The following EPG5 variants were observed in gnomAD, a reference collection of about 807,000 sequenced individuals.
The protein encoded by EPG5 is ectopic P-granules 5 autophagy tethering factor, also known as ectopic P granules protein 5 homolog.
In EPG5, 159 loss-of-function variants were observed where a neutral mutation model predicts 302.7. The observed-to-expected ratio is 0.53, with a 90% CI of 0.46 to 0.60. The LOEUF (loss-of-function observed/expected upper bound fraction) is 0.60. Ranked by LOEUF, EPG5 falls within the 20% of genes least tolerant of loss-of-function variation. EPG5 has a pLI of 0.00. For missense variants in EPG5, 2,896 were observed against 3,092.4 expected, an observed-to-expected ratio of 0.94 and a Z score of 1.51; for synonymous variants, 1,158 against 1,136.8, an observed-to-expected ratio of 1.02 and a Z score of -0.37.
intron 38 of EPG5, 31 bp downstream of exon 38, chr18:45,866,767 T>C (rs750229571): frequency 6.5e-7 from 1 of 1,547,782 alleles, no homozygotes; most frequent in South Asian, 1.1e-5. Context: ...CCAGGAACAG[T>C]CTCTGCCTTT....
chr18:45,820,233 C>G, the EPG5 span, among the ~76,000 whole-genome samples: 1 of 152,206 alleles, frequency 6.6e-6, no homozygotes, highest in Non-Finnish European at 1.5e-5. Context: ...CTCATGGACT[C>G]TGATAGAGAA....
At chr18:45,813,909 A>G in the EPG5 span, among the ~76,000 whole-genome samples, 1 of 152,312 alleles carries the variant, frequency 6.6e-6, no homozygotes, top group Non-Finnish European at 1.5e-5. Context: ...AACTTAAAGT[A>G]TAATAATTTA....
intron 13 of EPG5, among the ~76,000 whole-genome samples, chr18:45,927,035 C>CT (rs372779886): frequency 0.11 from 14,693 of 137,970 alleles, 1,120 homozygotes; most frequent in East Asian, 0.3. Flanking sequence ...TTTTTCTTTT[C>CT]TTTTTTTTTT....
At position 45,858,557 on chromosome 18, in the gene EPG5, C is replaced by T; in HGVS notation, c.7226+9G>A. The T allele has an allele frequency of 6.2e-7, 1 of 1,610,642 alleles. No individual in the cohort carries two copies. Among genetic ancestry groups the T allele is most frequent in the Non-Finnish European group, 8.5e-7 (1 of 1,176,968 alleles). The stretch of plus-strand genomic sequence containing the variant: ...CAAGTTTGATGTAACAGCCTGAGGG[C>T]CAACGTACCTTGGGTACACCTGTTC... On this transcript the variant is annotated intron_variant, in intron 41 of 43. Coordinates refer to ENST00000282041, the MANE Select transcript of EPG5 (RefSeq NM_020964.3).
chr18:45,862,877 C>T lies in EPG5; in HGVS notation c.6767-2531G>A, dbSNP rs114702384. On this transcript the variant is annotated intron_variant, in intron 39 of 43. Transcript: ENST00000282041. ...GCTGCATCCCACAAATTTTGATGCACTGTATTTTATTATTCAGTTGTAAGT... is the reference window on the plus strand; with the variant it reads ...GCTGCATCCCACAAATTTTGATGCATTGTATTTTATTATTCAGTTGTAAGT... 4.1e-3 allele frequency among the ~76,000 whole-genome samples: 627 copies of T among 152,290 alleles called. 6 individuals carry two copies. Among genetic ancestry groups the T allele is most frequent in the African/African-American group, 0.014 (582 of 41,552 alleles).
Position 45,901,032 on chromosome 18 carries a change from A to G in EPG5, c.4610T>C (p.Val1537Ala). 6.2e-7 allele frequency: 1 copy of G among 1,614,108 alleles called. No homozygotes were observed. Among genetic ancestry groups the G allele is most frequent in the South Asian group, 1.1e-5 (1 of 91,080 alleles). The change falls in exon 26 of 44, where the codon GTG (valine) becomes GCG (alanine). Residue 1537 changes from valine to alanine, a missense_variant. By Grantham distance (64) the Val-to-Ala change is moderately conservative. Around this residue, in one of 5 missense-constraint regions of EPG5, gnomAD observed 790 missense variants for 798.0 expected, o/e 0.99. Coordinates refer to ENST00000282041, the MANE Select transcript of EPG5 (RefSeq NM_020964.3). The part of the protein sequence containing the change: ...LLSQKDATQL[V>A]CTDLNLLQQQ... ...TTGCAACAGATTCAGGTCTGTGCAC[A>G]CCAGCTGGGTGGCGTCCTTCTGACT...
In EPG5 at chr18:45,913,843, G is replaced by C. The variant is rs746737538; in HGVS notation, c.3694-15C>G. On this transcript the variant is annotated splice_polypyrimidine_tract_variant and intron_variant, in intron 20 of 43. Transcript: ENST00000282041. ...GCAAACCAGACCTATAATGACACCA[G>C]ATAAAGGGGAGGGGAAGGAGGAGCT... 6.2e-7 allele frequency: 1 copy of C among 1,612,176 alleles called. No individual in the cohort carries two copies. Among genetic ancestry groups the C allele is most frequent in the East Asian group, 2.2e-5 (1 of 44,838 alleles).
chr18:45,907,985 C>G lies in EPG5; in HGVS notation c.4302G>C (p.Arg1434Ser), dbSNP rs749205486. ...PSLPKHYDIH[R>S]LAKVMQNQQD... The stretch of plus-strand genomic sequence containing the variant: ...GCTGATTCTGCATCACTTTTGCTAG[C>G]CTGTGAATATCATAATGCTTTGGTA... Residue 1434 changes from arginine (R) to serine (S), a missense_variant, in exon 24 of 44, where the codon AGG becomes AGC. Arg to Ser is a moderately radical substitution (Grantham distance 110). Around this residue, in one of 5 missense-constraint regions of EPG5, gnomAD observed 790 missense variants for 798.0 expected, o/e 0.99. Transcript: ENST00000282041. The G allele has an allele frequency of 3.2e-6, 5 of 1,585,264 alleles. No individual in the cohort carries two copies. The Admixed American group carries it at 5.7e-5, about 18-fold the overall frequency.
intron 12 of EPG5, among the ~76,000 whole-genome samples, 182 bp from the exon 13 acceptor site, chr18:45,929,191 A>C (rs2050345508): frequency 6.6e-6 from 1 of 152,246 alleles, no homozygotes; most frequent in Non-Finnish European, 1.5e-5. Context: ...CGAAAGGTGC[A>C]GGGAGAGGAA....
At chr18:45,908,707 T>G (rs2049817791) in intron 23 of EPG5, among the ~76,000 whole-genome samples, 1 of 152,258 alleles carries the variant, frequency 6.6e-6, no homozygotes, top group South Asian at 2.1e-4. Flanking sequence ...TTCCAGTACT[T>G]TGGAAGGCCA....
At chr18:45,896,632 C>T (rs1293847605) in intron 27 of EPG5, among the ~76,000 whole-genome samples, 1 of 147,804 alleles carries the variant, frequency 6.8e-6, no homozygotes, top group Non-Finnish European at 1.5e-5. Flanking sequence ...GCAGCCTGGA[C>T]CTCCTGCGGT....
chr18:45,837,160 T>C, the EPG5 span: 1 of 1,592,026 alleles, frequency 6.3e-7, no homozygotes, highest in South Asian at 1.1e-5. Flanking sequence ...TCCCAGGGTT[T>C]TTCCACAGGG....
chr18:45,954,180 G>C (rs1328587889), intron 2 of EPG5, among the ~76,000 whole-genome samples: 1 of 152,218 alleles, frequency 6.6e-6, no homozygotes, highest in Non-Finnish European at 1.5e-5. Context: ...AACCAGGCAT[G>C]GGCTGGCCCA....
chr18:45,885,753 A>C (rs1438812930), intron 29 of EPG5, among the ~76,000 whole-genome samples: 1 of 152,208 alleles, frequency 6.6e-6, no homozygotes, highest in Non-Finnish European at 1.5e-5. Context: ...ATATCATAAA[A>C]TTAAAGGAAA....
At chr18:45,904,737 T>TA (rs5824611) in intron 24 of EPG5, among the ~76,000 whole-genome samples, 20 of 149,648 alleles carry the variant, frequency 1.3e-4, no homozygotes, top group South Asian at 6.3e-4. Flanking sequence ...TGAAAATAAA[T>TA]AAAAAAAAAA....
At chr18:45,890,696 G>A (rs911151894) in intron 27 of EPG5, among the ~76,000 whole-genome samples, 5 of 152,046 alleles carry the variant, frequency 3.3e-5, no homozygotes, top group African/African-American at 9.7e-5. Context: ...ATACATAACT[G>A]GTTTGTTTAT....
At chr18:45,952,783 T>C (rs2050941454) in intron 2 of EPG5, 140 bp from the exon 3 acceptor site, 1 of 868,346 alleles carries the variant, frequency 1.2e-6, no homozygotes, top group Non-Finnish European at 1.8e-6. Context: ...TATTACTGTG[T>C]AGAGAACATT....
chr18:45,825,453 C>T, the EPG5 span: 3,963 of 535,844 alleles, frequency 7.4e-3, 51 homozygotes, highest in African/African-American at 0.045. Context: ...TTCTTTCTCA[C>T]CCTCTTTCCT....
chr18:45,846,811 T>C (rs1055302300), downstream of EPG5, among the ~76,000 whole-genome samples: 2 of 152,212 alleles, frequency 1.3e-5, no homozygotes, highest in African/African-American at 4.8e-5. Flanking sequence ...GGTTGCCCTT[T>C]TTTTTGGTTA....
Sources: gnomAD v4.1 joint callset for allele counts (sites outside exome capture counted in the v4.1 genomes callset) on GRCh38, gnomAD v4.1.1 for gene constraint, gnomAD v4.1.1 regional missense constraint, MANE v1.5 for transcripts, NCBI Gene and HGNC (gene_info 2026-07-23, HGNC 2026-07-21) for gene names.